Variants in TYW1 observed in about 807,000 individuals in gnomAD.
The protein encoded by TYW1 is tRNA-yW synthesizing protein 1 homolog, also known as S-adenosyl-L-methionine-dependent tRNA 4-demethylwyosine synthase TYW1.
A neutral mutation model predicts 96.2 loss-of-function variants in TYW1; 46 were observed. The ratio of observed to expected loss-of-function variants is 0.48; its 90% CI spans 0.38 to 0.61. The LOEUF (loss-of-function observed/expected upper bound fraction) is 0.61, where lower values mean the gene tolerates loss of function less well. Ranked by LOEUF, TYW1 falls within the 20% of genes least tolerant of loss-of-function variation. TYW1 has a pLI of 0.00. For missense variants in TYW1, 684 were observed against 909.6 expected (o/e 0.75, Z 3.19); for synonymous variants, 274 against 323.0 (o/e 0.85, Z 1.63).
At position 67,169,395 on chromosome 7, in the gene TYW1, A is replaced by G. The variant is rs552246764; in HGVS notation, c.1699-13731A>G. Reference sequence around the variant, plus strand: ...AGTTAGCGCATGTTATATAGCATGAATCAGAACTTCATCTTTTTTTTTTGA... The same window carrying G: ...AGTTAGCGCATGTTATATAGCATGAGTCAGAACTTCATCTTTTTTTTTTGA... On this transcript the variant is annotated intron_variant, in intron 13 of 15. Coordinates refer to ENST00000359626, the MANE Select transcript of TYW1 (RefSeq NM_018264.4). 8.5e-5 allele frequency among the ~76,000 whole-genome samples: 13 copies of G among 152,144 alleles called. No homozygotes were observed. The South Asian group carries it at 2.7e-3, about 32-fold the overall frequency.
chr7:67,016,479 A>T (rs1430532465), intron 5 of TYW1, among the ~76,000 whole-genome samples: 1 of 151,940 alleles, frequency 6.6e-6, no homozygotes, highest in African/African-American at 2.4e-5. Context: ...CCCGGGAGGT[A>T]GAGTTTGCAG....
In TYW1 at chr7:67,086,271, TTGAC is replaced by T. The variant is rs536742952; in HGVS notation, c.1384+2735_1384+2738del. ...AACTAGTAAGCCCCACATCTGGAATTTGACTGGCTTTTCCTAGACTCATTGTTGG... is the reference window on the plus strand; with the variant it reads ...AACTAGTAAGCCCCACATCTGGAATTTGGCTTTTCCTAGACTCATTGTTGG... On this transcript the variant is annotated intron_variant, in intron 11 of 15. Coordinates refer to ENST00000359626, the MANE Select transcript of TYW1 (RefSeq NM_018264.4). Among the ~76,000 whole-genome samples, 187 of 152,344 alleles carry T rather than the reference TTGAC, an allele frequency of 1.2e-3. 2 individuals carry two copies. Among genetic ancestry groups the T allele is most frequent in the African/African-American group, 4.4e-3 (182 of 41,586 alleles).
intron 3 of TYW1, among the ~76,000 whole-genome samples, chr7:67,001,491 G>A (rs1421798870): frequency 4.0e-5 from 6 of 151,230 alleles, no homozygotes; most frequent in South Asian, 2.1e-4. Context: ...GCGCGATCTC[G>A]GCTCACTGCA....
intron 15 of TYW1, among the ~76,000 whole-genome samples, chr7:67,237,382 C>T (rs184616180): frequency 6.6e-6 from 1 of 152,032 alleles, no homozygotes; most frequent in East Asian, 2.0e-4. Flanking sequence ...AGCCAGTAGT[C>T]CCAGCTACTC....
intron 13 of TYW1, among the ~76,000 whole-genome samples, chr7:67,156,123 A>C (rs1798961797): frequency 6.6e-6 from 1 of 152,168 alleles, no homozygotes; most frequent in Admixed American, 6.5e-5. Flanking sequence ...GATGGCAGAC[A>C]AAGATGCCAG....
At chr7:67,181,256 C>A (rs1799832188) in intron 13 of TYW1, among the ~76,000 whole-genome samples, 1 of 152,038 alleles carries the variant, frequency 6.6e-6, no homozygotes, top group African/African-American at 2.4e-5. Context: ...ATTTTACTTG[C>A]TAAAATTTCT....
chr7:67,188,906 A>G (rs946202718), intron 14 of TYW1, among the ~76,000 whole-genome samples: 9 of 152,144 alleles, frequency 5.9e-5, no homozygotes, highest in Admixed American at 6.5e-5. Context: ...TCTTTTTGTT[A>G]TTAAGTTCTT....
intron 12 of TYW1, among the ~76,000 whole-genome samples, chr7:67,109,635 C>T (rs1488140446): frequency 6.6e-6 from 1 of 152,184 alleles, no homozygotes; most frequent in Non-Finnish European, 1.5e-5. Context: ...AATCCCAGCA[C>T]TTTGGGAGGC....
intron 5 of TYW1, among the ~76,000 whole-genome samples, chr7:67,016,068 A>C (rs760526219): frequency 6.6e-6 from 1 of 151,554 alleles, no homozygotes; most frequent in Non-Finnish European, 1.5e-5. Context: ...TTCCCGGGCT[A>C]TTTTTCTAAA....
chr7:67,113,096 T>A (rs1469394205), intron 12 of TYW1, among the ~76,000 whole-genome samples: 14 of 152,118 alleles, frequency 9.2e-5, no homozygotes, highest in Non-Finnish European at 1.9e-4. Context: ...CTCTTCCTGA[T>A]GAACTCTGTG....
intron 5 of TYW1, 40 bp from the exon 6 acceptor site, chr7:67,017,813 A>T: frequency 6.3e-7 from 1 of 1,576,088 alleles, no homozygotes; most frequent in East Asian, 2.2e-5. Context: ...ACCCTGATTT[A>T]GAGAACCGTG....
intron 11 of TYW1, among the ~76,000 whole-genome samples, chr7:67,090,662 A>T (rs921294266): frequency 7.9e-5 from 12 of 152,152 alleles, no homozygotes; most frequent in African/African-American, 2.7e-4. Flanking sequence ...GGCACCATGA[A>T]GAGAACAGAT....
chr7:67,237,605 T>A (rs4718496), intron 15 of TYW1, among the ~76,000 whole-genome samples: 40,242 of 151,154 alleles, frequency 0.27, 5,682 homozygotes, highest in African/African-American at 0.36. Flanking sequence ...TGCCAAACAA[T>A]AGCTTTGAAT....
intron 3 of TYW1, among the ~76,000 whole-genome samples, chr7:67,005,013 C>A (rs1793520886): frequency 6.6e-6 from 1 of 152,126 alleles, no homozygotes; most frequent in South Asian, 2.1e-4. Context: ...ATCTTGGCCT[C>A]CCAAAGTGCT....
rs1164248327 is a variant in TYW1, at chr7:67,179,577, CAG to C, written c.1699-3547_1699-3546del. On this transcript the variant is annotated intron_variant, in intron 13 of 15. Coordinates refer to ENST00000359626, the MANE Select transcript of TYW1 (RefSeq NM_018264.4). The stretch of plus-strand genomic sequence containing the variant: ...TGTGAGATTTGTTGTAAAGATTAGA[CAG>C]ATATTGGAATCTTTGCCAAGCTACA... Among the ~76,000 whole-genome samples the C allele has an allele frequency of 5.9e-5, 8 of 135,310 alleles. 1 individual carries two copies. The highest frequency in any genetic ancestry group is 4.4e-4 in the Admixed American group (6 of 13,528). 88.8% of individuals were successfully genotyped at this position (135,310 alleles called of 152,430 possible).
chr7:67,005,689 T>A (rs1223889980), intron 3 of TYW1, among the ~76,000 whole-genome samples: 2 of 152,178 alleles, frequency 1.3e-5, no homozygotes, highest in African/African-American at 4.8e-5. Flanking sequence ...CACTTGGCCC[T>A]CTTCTGACTC....
At chr7:67,156,785 G>A (rs904076411) in intron 13 of TYW1, among the ~76,000 whole-genome samples, 5 of 151,678 alleles carry the variant, frequency 3.3e-5, no homozygotes, top group Non-Finnish European at 7.4e-5. Flanking sequence ...TGATGTAGTT[G>A]CTTGGGGCTC....
intron 6 of TYW1, 47 bp from the exon 7 acceptor site, chr7:67,024,853 G>C (rs1233018981): frequency 1.9e-6 from 3 of 1,606,960 alleles, no homozygotes; most frequent in Non-Finnish European, 2.5e-6. Context: ...AGAGAGCTTT[G>C]CCTTTGCCCC....
At chr7:67,209,910 G>T (rs1001902916) in intron 15 of TYW1, among the ~76,000 whole-genome samples, 13 of 152,002 alleles carry the variant, frequency 8.6e-5, no homozygotes, top group African/African-American at 3.1e-4. Flanking sequence ...TTTTACAGAA[G>T]TTTTTGATTT....
Sources: gnomAD v4.1 joint callset for allele counts (sites outside exome capture counted in the v4.1 genomes callset) on GRCh38, gnomAD v4.1.1 for gene constraint, MANE v1.5 for transcripts, NCBI Gene and HGNC (gene_info 2026-07-23, HGNC 2026-07-21) for gene names.